Variants in PRDM5 observed in about 807,000 individuals in gnomAD.
PRDM5 encodes PR domain zinc finger protein 5.
In PRDM5, 56 loss-of-function variants were observed where a neutral mutation model predicts 81.2. That is an observed-to-expected ratio of 0.69 (90% CI 0.56 to 0.86). The LOEUF (loss-of-function observed/expected upper bound fraction) is 0.86, where lower values mean the gene tolerates loss of function less well. Among genes scored for constraint, PRDM5 ranks in the 40% least tolerant of loss-of-function variants. The pLI, the probability that PRDM5 is intolerant of heterozygous loss-of-function variation, is 0.00. For synonymous variants in PRDM5, 267 were observed against 256.4 expected (o/e 1.04, Z -0.39); for missense variants, 697 against 770.1 (o/e 0.91, Z 1.12).
At chr4:120,854,104 C>A (rs534905867) in intron 2 of PRDM5, among the ~76,000 whole-genome samples, 4 of 152,262 alleles carry the variant, frequency 2.6e-5, no homozygotes, top group African/African-American at 9.6e-5. Flanking sequence ...CCTTTCATGG[C>A]CCACTCATGG....
At chr4:120,751,370 A>G (rs1489217245) in intron 14 of PRDM5, among the ~76,000 whole-genome samples, 7 of 152,178 alleles carry the variant, frequency 4.6e-5, no homozygotes, top group Non-Finnish European at 8.8e-5. Flanking sequence ...AAACACCGAG[A>G]TTTTTTTAAA....
At chr4:120,723,804 G>A (rs1330319470) in intron 14 of PRDM5, among the ~76,000 whole-genome samples, 4 of 152,020 alleles carry the variant, frequency 2.6e-5, no homozygotes, top group Non-Finnish European at 5.9e-5. Context: ...GTCAGAGTTG[G>A]GAGAGCAGGT....
chr4:120,905,071 T>C (rs1384028568), intron 2 of PRDM5, among the ~76,000 whole-genome samples: 1 of 152,182 alleles, frequency 6.6e-6, no homozygotes, highest in Admixed American at 6.5e-5. Flanking sequence ...TGTAGAAACA[T>C]AGTGAAAGCC....
chr4:120,752,030 T>A (rs924704249), intron 14 of PRDM5, among the ~76,000 whole-genome samples: 3 of 152,188 alleles, frequency 2.0e-5, no homozygotes, highest in African/African-American at 7.2e-5. Context: ...GAAACTGAAA[T>A]GTGTTATGGC....
chr4:120,874,996 A>G (rs1762202376), intron 2 of PRDM5, among the ~76,000 whole-genome samples: 1 of 152,128 alleles, frequency 6.6e-6, no homozygotes, highest in South Asian at 2.1e-4. Flanking sequence ...CCTGGCTCTC[A>G]GCAGCAGATC....
intron 14 of PRDM5, among the ~76,000 whole-genome samples, chr4:120,733,892 T>TAAAAAAAAAAAA (rs60786051): frequency 7.6e-6 from 1 of 132,298 alleles, no homozygotes; most frequent in African/African-American, 2.8e-5. Context: ...GACACAAAAG[T>TAAAAAAAAAAAA]AAAAAAAAAA....
downstream of PRDM5, among the ~76,000 whole-genome samples, chr4:120,687,772 T>C (rs1353027196): frequency 6.6e-6 from 1 of 152,110 alleles, no homozygotes; most frequent in Non-Finnish European, 1.5e-5. Flanking sequence ...GCCACTATTG[T>C]GAGAATAGTT....
intron 2 of PRDM5, among the ~76,000 whole-genome samples, chr4:120,883,241 A>G (rs1231259374): frequency 6.6e-6 from 1 of 152,224 alleles, no homozygotes; most frequent in Non-Finnish European, 1.5e-5. Context: ...AAGGTACAAT[A>G]AAGATCAATT....
chr4:120,864,984 A>G (rs1579039262), intron 2 of PRDM5, among the ~76,000 whole-genome samples: 1 of 152,220 alleles, frequency 6.6e-6, no homozygotes, highest in Non-Finnish European at 1.5e-5. Flanking sequence ...TGTGTCTCGC[A>G]TCAATAACTG....
chr4:120,696,718 T>G (rs1734567023), intron 15 of PRDM5, among the ~76,000 whole-genome samples: 1 of 152,136 alleles, frequency 6.6e-6, no homozygotes, highest in Non-Finnish European at 1.5e-5. Context: ...TTTTTCTCTT[T>G]CATCTTCCTC....
At position 120,745,837 on chromosome 4, in the gene PRDM5, C is replaced by T. The variant is rs1378159831; in HGVS notation, c.1623+8716G>A. Among the ~76,000 whole-genome samples the T allele has an allele frequency of 1.9e-3, 272 of 145,124 alleles. 1 individual carries two copies. Among genetic ancestry groups the T allele is most frequent in the Middle Eastern group, 3.6e-3 (1 of 274 alleles). ...GCTCATGGGTAGGAAGAATCAATATCGTGAAAATGGCCATACTGCCCAAGG... is the reference window on the plus strand; with the variant it reads ...GCTCATGGGTAGGAAGAATCAATATTGTGAAAATGGCCATACTGCCCAAGG... On this transcript the variant is annotated intron_variant, in intron 14 of 15. Transcript: ENST00000264808.
chr4:120,797,650 G>A (rs1281611132), intron 10 of PRDM5, among the ~76,000 whole-genome samples: 2 of 152,106 alleles, frequency 1.3e-5, no homozygotes, highest in Non-Finnish European at 2.9e-5. Flanking sequence ...CAAAGAGAAT[G>A]AAAAAACCAT....
At chr4:120,706,913 G>C (rs1341095439) in intron 15 of PRDM5, among the ~76,000 whole-genome samples, 3 of 151,536 alleles carry the variant, frequency 2.0e-5, no homozygotes, top group African/African-American at 7.3e-5. Context: ...CAATAAAGAG[G>C]TTGAATCAAA....
intron 14 of PRDM5, among the ~76,000 whole-genome samples, chr4:120,717,173 A>G (rs1348310384): frequency 1.3e-5 from 2 of 152,170 alleles, no homozygotes; most frequent in South Asian, 4.1e-4. Flanking sequence ...AAGAATGATT[A>G]GGTTCTTGAT....
At chr4:120,902,854 A>G (rs575213831) in intron 2 of PRDM5, among the ~76,000 whole-genome samples, 8 of 152,164 alleles carry the variant, frequency 5.3e-5, no homozygotes, top group Non-Finnish European at 1.2e-4. Context: ...ACAAAGAGAG[A>G]GAGGTGGCAG....
Position 120,710,324 on chromosome 4 carries a change from C to T in PRDM5, c.1713G>A (p.Lys571=), listed in dbSNP as rs184132410. The change falls in exon 15 of 16, where the codon AAG becomes AAA. Residue 571 remains lysine (K), a synonymous_variant. Transcript: ENST00000264808. ...DEHKRTHTGE[K]PFQCDVCDLA... Reference sequence around the variant, plus strand: ...CCAAACTCACATCACACTGAAAAGGCTTTTCTCCAGTGTGCGTCCTCTTGT... The same window carrying T: ...CCAAACTCACATCACACTGAAAAGGTTTTTCTCCAGTGTGCGTCCTCTTGT... 1.9e-6 allele frequency: 3 copies of T among 1,613,908 alleles called. No homozygotes were observed. The highest frequency in any genetic ancestry group is 1.7e-6 in the Non-Finnish European group (2 of 1,179,984).
At chr4:120,806,505 A>G (rs1752980656) in intron 8 of PRDM5, among the ~76,000 whole-genome samples, 1 of 152,260 alleles carries the variant, frequency 6.6e-6, no homozygotes, top group Non-Finnish European at 1.5e-5. Flanking sequence ...ACAGATCTAT[A>G]GACCAATGGA....
intron 12 of PRDM5, among the ~76,000 whole-genome samples, chr4:120,778,116 T>C (rs1170443847): frequency 6.6e-6 from 1 of 152,018 alleles, no homozygotes; most frequent in East Asian, 1.9e-4. Flanking sequence ...AAAGGGGAGG[T>C]GAAAGCAATT....
At chr4:120,904,213 A>AAAAAAAAAAAAAAAAAAT (rs1765542311) in intron 2 of PRDM5, among the ~76,000 whole-genome samples, 1 of 147,094 alleles carries the variant, frequency 6.8e-6, no homozygotes, top group African/African-American at 2.5e-5. Flanking sequence ...AAACAAAAAA[A>AAAAAAAAAAAAAAAAAAT]CCTCCTTCCT....
Sources: allele counts gnomAD v4.1 joint callset (sites outside exome capture counted in the v4.1 genomes callset), GRCh38; gene constraint gnomAD v4.1.1; transcripts MANE v1.5; gene names NCBI Gene and HGNC (gene_info 2026-07-23, HGNC 2026-07-21).